ACYP2: variants seen among roughly 807,000 people sequenced by gnomAD.
The protein encoded by ACYP2 is acylphosphatase 2, also known as acylphosphatase-2.
A neutral mutation model predicts 11.2 loss-of-function variants in ACYP2; 12 were observed. The ratio of observed to expected loss-of-function variants is 1.08; its 90% CI spans 0.69 to 1.74. The LOEUF is 1.74. Among genes scored for constraint, ACYP2 ranks in the 40% most tolerant of loss-of-function variants. The pLI, the probability that ACYP2 is intolerant of heterozygous loss-of-function variation, is 0.00. For synonymous variants in ACYP2, 43 were observed against 32.2 expected, an observed-to-expected ratio of 1.33 and a Z score of -1.13; for missense variants, 134 against 101.9, an observed-to-expected ratio of 1.31 and a Z score of -1.35.
chr2:54,049,613 A>G (rs762820745), intron 2 of ACYP2, among the ~76,000 whole-genome samples: 4 of 152,138 alleles, frequency 2.6e-5, no homozygotes, highest in Non-Finnish European at 2.9e-5. Flanking sequence ...TCATTTTCCA[A>G]GGCCTTTGAC....
chr2:54,146,684 CTTAA>C (rs1681908902), intron 6 of ACYP2, among the ~76,000 whole-genome samples: 1 of 151,968 alleles, frequency 6.6e-6, no homozygotes, highest in Non-Finnish European at 1.5e-5. Flanking sequence ...GCTGCTCTAT[CTTAA>C]TTGTTTCTCT....
At chr2:54,254,994 G>A (rs779725994) in intron 6 of ACYP2, 20 of 1,613,902 alleles carry the variant, frequency 1.2e-5, no homozygotes, top group Non-Finnish European at 1.7e-5. Context: ...CTCTATGGGC[G>A]TCTTCACCCA....
intron 4 of ACYP2, among the ~76,000 whole-genome samples, chr2:54,121,258 G>C (rs1018988811): frequency 2.0e-5 from 3 of 152,156 alleles, no homozygotes; most frequent in Non-Finnish European, 4.4e-5. Flanking sequence ...CATCTGTAAG[G>C]CTGAGTCTGG....
Position 54,039,305 on chromosome 2 carries a change from C to CG in ACYP2, c.63-11645dup, listed in dbSNP as rs571215148. Among the ~76,000 whole-genome samples the CG allele has an allele frequency of 4.7e-3, 569 of 121,906 alleles. 1 individual carries two copies. Among genetic ancestry groups the CG allele is most frequent in the Non-Finnish European group, 5.5e-3 (339 of 61,174 alleles). The allele number at this position is 121,906 out of a possible 152,430, so 80.0% of individuals were successfully genotyped here. ...TTTTTTTCTTTTTCCTTTTTTTTGG[C>CG]GGGGGGGGACAGGGTCCCACTCTGT... On this transcript the variant is annotated intron_variant, in intron 2 of 6. Coordinates refer to ENST00000607452, the MANE Select transcript of ACYP2 (RefSeq NM_001320586.2).
At chr2:54,125,561 C>T (rs966290206) in intron 4 of ACYP2, among the ~76,000 whole-genome samples, 1 of 151,844 alleles carries the variant, frequency 6.6e-6, no homozygotes, top group Non-Finnish European at 1.5e-5. Context: ...ACCAGCCTGG[C>T]CAACATGGTG....
chr2:54,248,776 C>T (rs968154462), intron 6 of ACYP2, among the ~76,000 whole-genome samples: 3 of 152,044 alleles, frequency 2.0e-5, no homozygotes, highest in Non-Finnish European at 2.9e-5. Context: ...ATATAAACTA[C>T]GAACATCTGT....
intron 2 of ACYP2, among the ~76,000 whole-genome samples, chr2:53,998,595 G>T (rs944701951): frequency 6.6e-6 from 1 of 151,970 alleles, no homozygotes; most frequent in Middle Eastern, 3.2e-3. Flanking sequence ...GGGGTGGATC[G>T]TTTGAGCCCA....
intron 6 of ACYP2, among the ~76,000 whole-genome samples, chr2:54,276,645 ACACACACACACACACAC>A (rs1447524659): frequency 2.7e-5 from 3 of 111,300 alleles, no homozygotes; most frequent in Admixed American, 9.8e-5. Flanking sequence ...ACACACACAC[ACACACACACACACACAC>A]CACACACAAG....
intron 4 of ACYP2, among the ~76,000 whole-genome samples, chr2:54,100,916 G>T (rs1030795541): frequency 6.6e-6 from 1 of 152,204 alleles, no homozygotes; most frequent in Non-Finnish European, 1.5e-5. Context: ...GGACTTTGTA[G>T]GTGCTAGGAG....
chr2:54,203,842 T>C (rs1193618244), intron 6 of ACYP2, among the ~76,000 whole-genome samples: 1 of 152,150 alleles, frequency 6.6e-6, no homozygotes, highest in Non-Finnish European at 1.5e-5. Context: ...ATTTACTTTC[T>C]GAATGCTTAT....
At chr2:54,267,016 G>T (rs898725277) in intron 6 of ACYP2, among the ~76,000 whole-genome samples, 1 of 152,056 alleles carries the variant, frequency 6.6e-6, no homozygotes, top group East Asian at 1.9e-4. Flanking sequence ...AACTCTACGG[G>T]GTACTCTCTG....
At chr2:54,251,481 T>G (rs1325446002) in intron 6 of ACYP2, among the ~76,000 whole-genome samples, 1 of 152,152 alleles carries the variant, frequency 6.6e-6, no homozygotes, top group East Asian at 1.9e-4. Flanking sequence ...GTTTCACAAG[T>G]TGAATATACT....
At chr2:53,982,828 C>CTG (rs3066946) in intron 2 of ACYP2, among the ~76,000 whole-genome samples, 17,548 of 140,332 alleles carry the variant, frequency 0.13, 1,097 homozygotes, top group African/African-American at 0.15. Context: ...TCACACAAGA[C>CTG]TGTGTGTGTG....
chr2:54,140,377 T>G (rs1158081291), intron 6 of ACYP2, among the ~76,000 whole-genome samples: 1 of 152,174 alleles, frequency 6.6e-6, no homozygotes, highest in African/African-American at 2.4e-5. Flanking sequence ...TAGAGGGTCA[T>G]TGATTAATTT....
intron 6 of ACYP2, among the ~76,000 whole-genome samples, chr2:54,193,805 C>T (rs1684338473): frequency 6.6e-6 from 1 of 152,042 alleles, no homozygotes; most frequent in South Asian, 2.1e-4. Context: ...TTACTGTTGT[C>T]TTTATATCTG....
intron 6 of ACYP2, among the ~76,000 whole-genome samples, chr2:54,292,597 T>C (rs1440576925): frequency 6.6e-6 from 1 of 152,130 alleles, no homozygotes; most frequent in Non-Finnish European, 1.5e-5. Context: ...TGCTGTCCTG[T>C]AGAATTTTAG....
intron 4 of ACYP2, among the ~76,000 whole-genome samples, chr2:54,122,305 A>T (rs1228798929): frequency 6.6e-6 from 1 of 152,208 alleles, no homozygotes; most frequent in East Asian, 1.9e-4. Flanking sequence ...TACTTTGCAA[A>T]CATTCCTCTC....
At chr2:54,022,169 T>C (rs1190452804) in intron 2 of ACYP2, among the ~76,000 whole-genome samples, 2 of 152,084 alleles carry the variant, frequency 1.3e-5, no homozygotes, top group Non-Finnish European at 2.9e-5. Context: ...CCCTCTCTCC[T>C]TCCCTCCTTC....
chr2:54,043,177 G>A (rs1232510826), intron 2 of ACYP2, among the ~76,000 whole-genome samples: 2 of 152,102 alleles, frequency 1.3e-5, no homozygotes, highest in African/African-American at 4.8e-5. Context: ...TTGAGTTCAG[G>A]ATTGCCAAAC....
Sources: gnomAD v4.1 joint callset for allele counts (sites outside exome capture counted in the v4.1 genomes callset) on GRCh38, gnomAD v4.1.1 for gene constraint, MANE v1.5 for transcripts, NCBI Gene and HGNC (gene_info 2026-07-23, HGNC 2026-07-21) for gene names.